Variants in PEX14 observed in about 807,000 individuals in gnomAD.
The protein encoded by PEX14 is peroxisomal biogenesis factor 14.
A neutral mutation model predicts 49.5 loss-of-function variants in PEX14; 15 were observed. That is an observed-to-expected ratio of 0.30 (90% CI 0.20 to 0.47). The LOEUF is 0.47. Ranked by LOEUF, PEX14 falls within the 20% of genes least tolerant of loss-of-function variation. The probability of loss-of-function intolerance (pLI) is 1.00; values close to 1 mark genes in which losing one functional copy is unlikely to be tolerated. For synonymous variants in PEX14, 210 were observed against 212.7 expected (o/e 0.99, Z 0.11); for missense variants, 398 against 494.8 (o/e 0.80, Z 1.86).
chr1:10,552,440 T>C (rs747742189), intron 3 of PEX14, among the ~76,000 whole-genome samples: 5 of 151,908 alleles, frequency 3.3e-5, no homozygotes, highest in Admixed American at 6.5e-5. Context: ...AGACTCCGTC[T>C]CAAAAAAAAA....
At chr1:10,577,560 ATATTT>A (rs1640179521) in intron 3 of PEX14, among the ~76,000 whole-genome samples, 2 of 4,432 alleles carry the variant, frequency 4.5e-4, no homozygotes, top group African/African-American at 1.0e-3. Flanking sequence ...ATATATATAT[ATATTT>A]TTTTTTTTTT....
At chr1:10,581,995 C>T (rs931148075) in intron 3 of PEX14, among the ~76,000 whole-genome samples, 1 of 104,542 alleles carries the variant, frequency 9.6e-6, no homozygotes, top group Non-Finnish European at 2.1e-5. Flanking sequence ...TATATCTTGC[C>T]ATCCCACTTT....
At chr1:10,509,157 C>T (rs1355306056) in intron 2 of PEX14, among the ~76,000 whole-genome samples, 1 of 152,064 alleles carries the variant, frequency 6.6e-6, no homozygotes, top group African/African-American at 2.4e-5. Flanking sequence ...ACCATGTCAG[C>T]CAGGATGGTC....
At chr1:10,478,077 G>A (rs1276217037) in intron 1 of PEX14, among the ~76,000 whole-genome samples, 2 of 151,790 alleles carry the variant, frequency 1.3e-5, no homozygotes, top group African/African-American at 4.8e-5. Context: ...AAGTAGAAAT[G>A]GGGTTTCACC....
chr1:10,484,299 A>C (rs576347130), intron 1 of PEX14, among the ~76,000 whole-genome samples: 1 of 151,578 alleles, frequency 6.6e-6, no homozygotes, highest in African/African-American at 2.4e-5. Flanking sequence ...CGGCCTCCCA[A>C]AGTGCTGGGA....
chr1:10,522,778 C>G (rs898174768), intron 2 of PEX14, among the ~76,000 whole-genome samples: 2 of 152,186 alleles, frequency 1.3e-5, no homozygotes, highest in Non-Finnish European at 2.9e-5. Context: ...TGGATAGTTA[C>G]GTTTTCTGGA....
At position 10,613,052 on chromosome 1, in the gene PEX14, G is replaced by A. The variant is rs548366965; in HGVS notation, c.299-5280G>A. 2.0e-5 allele frequency among the ~76,000 whole-genome samples: 3 copies of A among 152,334 alleles called. No individual in the cohort carries two copies. Among genetic ancestry groups the A allele is most frequent in the East Asian group, 1.9e-4 (1 of 5,180 alleles). On this transcript the variant is annotated intron_variant, in intron 4 of 8. Transcript: ENST00000356607. This position sits in a 1 kb window ranked among gnomAD's most constrained non-coding sequence, Gnocchi z 5.0. ...CCTGTTGTCTCGGCAGGATGGTTCCGTGACAGCTCTCAGCTCTGTGTTGCC... is the reference window on the plus strand; with the variant it reads ...CCTGTTGTCTCGGCAGGATGGTTCCATGACAGCTCTCAGCTCTGTGTTGCC...
chr1:10,544,797 T>C (rs901027450), intron 3 of PEX14, among the ~76,000 whole-genome samples: 2 of 152,024 alleles, frequency 1.3e-5, no homozygotes, highest in African/African-American at 4.8e-5. Flanking sequence ...GATCTTACTC[T>C]GTCACCTAGG....
chr1:10,487,039 T>A (rs1287606618), intron 1 of PEX14, among the ~76,000 whole-genome samples: 1 of 152,148 alleles, frequency 6.6e-6, no homozygotes, highest in Non-Finnish European at 1.5e-5. Flanking sequence ...TGTCAGGTGC[T>A]CTTTTTTGTC....
At chr1:10,599,579 C>G (rs991289502) in intron 4 of PEX14, among the ~76,000 whole-genome samples, 5 of 152,210 alleles carry the variant, frequency 3.3e-5, no homozygotes, top group African/African-American at 1.2e-4. Flanking sequence ...GACAAGGGAT[C>G]AGAATAAATG....
intron 2 of PEX14, among the ~76,000 whole-genome samples, chr1:10,520,475 A>C (rs1638251322): frequency 6.6e-6 from 1 of 152,006 alleles, no homozygotes; most frequent in Non-Finnish European, 1.5e-5. Context: ...CTACTTTTCT[A>C]CTTCCCTTAT....
chr1:10,549,714 A>G (rs1639282865), intron 3 of PEX14, among the ~76,000 whole-genome samples: 1 of 152,182 alleles, frequency 6.6e-6, no homozygotes, highest in Non-Finnish European at 1.5e-5. Flanking sequence ...TTGGTTGAAC[A>G]TCCCTATTCC....
At chr1:10,566,920 T>C (rs1004160640) in intron 3 of PEX14, among the ~76,000 whole-genome samples, 1 of 152,056 alleles carries the variant, frequency 6.6e-6, no homozygotes, top group African/African-American at 2.4e-5. Context: ...TTCCAGCTAA[T>C]AAAATAATCC....
chr1:10,624,273 C>G, intron 6 of PEX14, 67 bp from the exon 7 acceptor site: 2 of 1,004,762 alleles, frequency 2.0e-6, no homozygotes, highest in Non-Finnish European at 3.2e-6. Context: ...CCGAGGTGTG[C>G]GGACCGAGCG....
At chr1:10,587,936 G>A (rs1306549463) in intron 3 of PEX14, among the ~76,000 whole-genome samples, 2 of 123,890 alleles carry the variant, frequency 1.6e-5, no homozygotes, top group African/African-American at 3.1e-5. Flanking sequence ...AAAAAGAGAT[G>A]GAGTCTTGGC....
chr1:10,530,431 C>T (rs935825115), intron 2 of PEX14, among the ~76,000 whole-genome samples: 4 of 152,256 alleles, frequency 2.6e-5, no homozygotes, highest in Admixed American at 6.5e-5. Context: ...CCCCGGCCTG[C>T]GCCTCCGCCG....
chr1:10,521,527 CTAAT>C (rs1638295147), intron 2 of PEX14, among the ~76,000 whole-genome samples: 1 of 152,212 alleles, frequency 6.6e-6, no homozygotes, highest in South Asian at 2.1e-4. Context: ...TAAATGCTAA[CTAAT>C]TATTCCTTAT....
chr1:10,577,463 T>G (rs1287967550), intron 3 of PEX14, among the ~76,000 whole-genome samples: 1 of 134,280 alleles, frequency 7.4e-6, no homozygotes, highest in Non-Finnish European at 1.5e-5. Flanking sequence ...TCAGTCATGG[T>G]GGAGTAGCTT....
chr1:10,533,346 T>C (rs1336809894), intron 2 of PEX14, among the ~76,000 whole-genome samples: 1 of 152,166 alleles, frequency 6.6e-6, no homozygotes, highest in Admixed American at 6.5e-5. Flanking sequence ...GGCAGTATTA[T>C]TTTATATGAC....
Sources: gnomAD v4.1 joint callset for allele counts (sites outside exome capture counted in the v4.1 genomes callset) on GRCh38, gnomAD v4.1.1 for gene constraint, Gnocchi (gnomAD v3.1) non-coding constraint, MANE v1.5 for transcripts, NCBI Gene and HGNC (gene_info 2026-07-23, HGNC 2026-07-21) for gene names.